The following MAGI1 variants were observed in gnomAD, a reference collection of about 807,000 sequenced individuals.
MAGI1 encodes membrane-associated guanylate kinase, WW and PDZ domain-containing protein 1.
MAGI1 carries 58 observed loss-of-function variants against 139.9 expected under a neutral mutation model. The ratio of observed to expected loss-of-function variants is 0.41; its 90% CI spans 0.34 to 0.52. The LOEUF (loss-of-function observed/expected upper bound fraction) is 0.52. Ranked by LOEUF, MAGI1 falls within the 20% of genes least tolerant of loss-of-function variation. The pLI, the probability that MAGI1 is intolerant of heterozygous loss-of-function variation, is 0.12. For missense variants in MAGI1, 1,874 were observed against 1,901.6 expected, an observed-to-expected ratio of 0.99 and a Z score of 0.27; for synonymous variants, 812 against 737.9, an observed-to-expected ratio of 1.10 and a Z score of -1.63.
chr3:65,672,160 G>C (rs777227727), intron 1 of MAGI1, among the ~76,000 whole-genome samples: 2 of 152,140 alleles, frequency 1.3e-5, no homozygotes. Context: ...TGACACTGGG[G>C]AGTGTGCTCC....
chr3:65,811,303 G>A (rs566289378), intron 1 of MAGI1, among the ~76,000 whole-genome samples: 7 of 152,282 alleles, frequency 4.6e-5, no homozygotes, highest in South Asian at 2.1e-4. Context: ...GACATTCCCC[G>A]GTAAGAGGCT....
intron 1 of MAGI1, among the ~76,000 whole-genome samples, chr3:65,916,219 A>G (rs1243690213): frequency 6.6e-6 from 1 of 152,008 alleles, no homozygotes; most frequent in Non-Finnish European, 1.5e-5. Flanking sequence ...GGCACATGCC[A>G]CCACACCCAA....
intron 1 of MAGI1, among the ~76,000 whole-genome samples, chr3:65,651,003 G>A (rs1176398913): frequency 1.3e-5 from 2 of 152,078 alleles, no homozygotes; most frequent in Admixed American, 6.6e-5. Flanking sequence ...ATGAAAATAA[G>A]CAAGACCAAA....
chr3:65,691,455 A>G (rs1487447967), intron 1 of MAGI1, among the ~76,000 whole-genome samples: 13 of 152,176 alleles, frequency 8.5e-5, no homozygotes, highest in Admixed American at 7.9e-4. Flanking sequence ...ACATTGACAC[A>G]TTATGGGCTC....
At chr3:65,687,787 C>T (rs576214674) in intron 1 of MAGI1, 75 of 574,226 alleles carry the variant, frequency 1.3e-4, no homozygotes, top group South Asian at 5.8e-4. Context: ...GCTGACGAAA[C>T]TGGCTTGGAA....
intron 1 of MAGI1, among the ~76,000 whole-genome samples, chr3:66,027,314 AAT>A (rs2068336773): frequency 1.4e-5 from 2 of 139,736 alleles, no homozygotes; most frequent in Non-Finnish European, 3.1e-5. Context: ...ATAAATAAAT[AAT>A]AAAAAAAGAG....
At chr3:66,034,103 C>G (rs986589199) in intron 1 of MAGI1, among the ~76,000 whole-genome samples, 73 of 152,280 alleles carry the variant, frequency 4.8e-4, no homozygotes, top group African/African-American at 1.6e-3. Context: ...ATAAGCCCAT[C>G]AGAATCCCTT....
At chr3:65,458,007 T>C (rs766482916) in intron 5 of MAGI1, among the ~76,000 whole-genome samples, 7 of 152,136 alleles carry the variant, frequency 4.6e-5, no homozygotes, top group African/African-American at 9.7e-5. Flanking sequence ...ATGGGTTCAA[T>C]TGCTTTAATT....
At chr3:65,908,245 C>A (rs1351648633) in intron 1 of MAGI1, among the ~76,000 whole-genome samples, 1 of 152,090 alleles carries the variant, frequency 6.6e-6, no homozygotes, top group Non-Finnish European at 1.5e-5. Flanking sequence ...AAACACCAAC[C>A]TCTTTTTCCT....
chr3:65,583,810 G>A (rs2081548219), intron 2 of MAGI1, among the ~76,000 whole-genome samples: 1 of 152,056 alleles, frequency 6.6e-6, no homozygotes, highest in Non-Finnish European at 1.5e-5. Flanking sequence ...ATTCAGGTTA[G>A]GTGCTAATTC....
rs534572151 is a variant in MAGI1, at chr3:65,858,990, T to C, written c.313+179006A>G. ...AGGGAGGGATGAGAAGAAGGAATCA[T>C]GTACACGTTGGCCTGCTGTGTGCCA... On this transcript the variant is annotated intron_variant, in intron 1 of 22. Coordinates refer to ENST00000402939, the MANE Select transcript of MAGI1 (RefSeq NM_001033057.2). Among the ~76,000 whole-genome samples the C allele has an allele frequency of 2.6e-5, 4 of 152,274 alleles. No homozygotes were observed. In the East Asian group the frequency reaches 5.8e-4, roughly 22 times the overall value.
At chr3:66,028,900 C>G (rs2068448004) in intron 1 of MAGI1, among the ~76,000 whole-genome samples, 1 of 152,192 alleles carries the variant, frequency 6.6e-6, no homozygotes, top group Non-Finnish European at 1.5e-5. Flanking sequence ...ATCTCCATCT[C>G]TCAAGAGATT....
chr3:65,634,876 T>A lies in MAGI1; in HGVS notation c.314-12788A>T, dbSNP rs148737971. ...AAAATGTCATCATTTTGTGGTAATT[T>A]TTGGTTATTTGGGGATGAGTTATCA... is the stretch of plus-strand genomic sequence containing the variant. On this transcript the variant is annotated intron_variant, in intron 1 of 22. Transcript: ENST00000402939. 8.8e-4 allele frequency among the ~76,000 whole-genome samples: 134 copies of A among 152,284 alleles called. 1 individual carries two copies. The East Asian group carries it at 0.024, about 28-fold the overall frequency.
At chr3:65,631,263 T>C (rs2084287372) in intron 1 of MAGI1, among the ~76,000 whole-genome samples, 2 of 152,216 alleles carry the variant, frequency 1.3e-5, no homozygotes, top group Admixed American at 6.5e-5. Context: ...TGTGCTTAAC[T>C]GGTAATGAAC....
chr3:65,430,751 G>T lies in MAGI1; in HGVS notation c.1494C>A (p.Ile498=). The T allele has an allele frequency of 1.2e-6, 2 of 1,613,648 alleles. No homozygotes were observed. The highest frequency in any genetic ancestry group is 1.7e-6 in the Non-Finnish European group (2 of 1,179,782). ...CAGGACCATCTAGGACCAAGCTCTT[G>T]ATCTGGAGAAACTCATCAGGTTCAT... The part of the protein sequence containing the change: ...GGDEPDEFLQ[I]KSLVLDGPAA... Residue 498 remains isoleucine, a synonymous_variant, in exon 11 of 23, where the codon ATC becomes ATA. Coordinates refer to ENST00000402939, the MANE Select transcript of MAGI1 (RefSeq NM_001033057.2).
intron 1 of MAGI1, among the ~76,000 whole-genome samples, chr3:65,973,429 G>C (rs2065103865): frequency 6.6e-6 from 1 of 152,052 alleles, no homozygotes; most frequent in Admixed American, 6.6e-5. Flanking sequence ...TCTGACTATT[G>C]CAGCTCCCAT....
At chr3:65,885,675 C>A (rs113965236) in intron 1 of MAGI1, among the ~76,000 whole-genome samples, 3 of 152,126 alleles carry the variant, frequency 2.0e-5, no homozygotes, top group Admixed American at 1.3e-4. Flanking sequence ...CCCCTGCACA[C>A]GCTCTCTTGC....
At chr3:65,829,375 G>A (rs2042403238) in intron 1 of MAGI1, among the ~76,000 whole-genome samples, 1 of 152,136 alleles carries the variant, frequency 6.6e-6, no homozygotes, top group African/African-American at 2.4e-5. Context: ...ATCAAGAAGT[G>A]GGGCCTCTGG....
intron 1 of MAGI1, among the ~76,000 whole-genome samples, chr3:65,994,273 C>CAAAAAAA (rs35940908): frequency 9.1e-6 from 1 of 109,412 alleles, no homozygotes; most frequent in African/African-American, 3.9e-5. Flanking sequence ...GACTCCATCT[C>CAAAAAAA]AAAAAAAAAA....
Sources: allele counts gnomAD v4.1 joint callset (sites outside exome capture counted in the v4.1 genomes callset), GRCh38; gene constraint gnomAD v4.1.1; transcripts MANE v1.5; gene names NCBI Gene and HGNC (gene_info 2026-07-23, HGNC 2026-07-21).